RNF217: variants seen among roughly 807,000 people sequenced by gnomAD.
RNF217 encodes the protein E3 ubiquitin-protein ligase RNF217.
A neutral mutation model predicts 57.8 loss-of-function variants in RNF217; 31 were observed. The ratio of observed to expected loss-of-function variants is 0.54; its 90% CI spans 0.40 to 0.72. RNF217 has a LOEUF of 0.72. RNF217 is among the 30% of genes least tolerant of loss of function. The pLI is 0.00. For missense variants in RNF217, 696 were observed against 708.3 expected, an observed-to-expected ratio of 0.98 and a Z score of 0.20; for synonymous variants, 313 against 294.0, an observed-to-expected ratio of 1.06 and a Z score of -0.66.
In RNF217 at chr6:124,963,066, C is replaced by G. The variant is rs752110814; in HGVS notation, c.522C>G (p.Pro174=). The change falls in exon 1 of 6, where the codon CCC becomes CCG. Residue 174 remains proline, a synonymous_variant. Coordinates refer to ENST00000521654, the MANE Select transcript of RNF217 (RefSeq NM_001286398.3). ...TGTACTGCGTGGAGAGCGACCTGCC[C>G]GAGGCCCCCGCCTCGGAGCAGCTCT... ...CSVYCVESDL[P]EAPASEQLSP... is the part of the protein sequence containing the mutation. 8.3e-6 allele frequency: 13 copies of G among 1,561,904 alleles called. No individual in the cohort carries two copies. The East Asian group carries it at 2.6e-4, about 31-fold the overall frequency.
At chr6:125,052,396 C>T (rs1462915749) in intron 2 of RNF217, among the ~76,000 whole-genome samples, 1 of 151,326 alleles carries the variant, frequency 6.6e-6, no homozygotes, top group Non-Finnish European at 1.5e-5. Context: ...GTTTCTCTTT[C>T]CCTTTCCAGC....
chr6:124,972,673 G>A (rs1783806438), intron 1 of RNF217, among the ~76,000 whole-genome samples: 1 of 152,002 alleles, frequency 6.6e-6, no homozygotes, highest in Non-Finnish European at 1.5e-5. Flanking sequence ...ATGAAGTTCT[G>A]TCTTAGGGGA....
chr6:125,086,357 G>A lies in RNF217; in HGVS notation c.*3420G>A, dbSNP rs1582791217. 6.6e-6 allele frequency: 1 copy of A among 151,944 alleles called. No homozygotes were observed. Among genetic ancestry groups the A allele is most frequent in the African/African-American group, 2.4e-5 (1 of 41,388 alleles). 9.4% of individuals were successfully genotyped at this position (151,944 alleles called of 1,614,324 possible). On this transcript the variant is annotated 3_prime_UTR_variant, in exon 6 of 6. Transcript: ENST00000521654. ...TTTGAGGAGATGTGTGTCAGATAAT[G>A]TGAGAGAGATGAATTGACTTTTGGA...
At chr6:125,052,719 C>A (rs1787373198) in intron 2 of RNF217, among the ~76,000 whole-genome samples, 1 of 152,070 alleles carries the variant, frequency 6.6e-6, no homozygotes, top group Admixed American at 6.6e-5. Flanking sequence ...CTCTCTATAA[C>A]ATGCTGTACC....
intron 1 of RNF217, among the ~76,000 whole-genome samples, chr6:124,970,019 T>G (rs1454606594): frequency 1.3e-5 from 2 of 152,116 alleles, no homozygotes; most frequent in African/African-American, 4.8e-5. Context: ...TTTCCAGGAA[T>G]CGCAAGGAGA....
intron 1 of RNF217, among the ~76,000 whole-genome samples, chr6:124,964,232 C>T (rs1203699522): frequency 6.6e-6 from 1 of 152,208 alleles, no homozygotes; most frequent in Non-Finnish European, 1.5e-5. Flanking sequence ...TTGCACAATC[C>T]TGGATGCCCT....
chr6:124,971,893 C>A (rs1006604695), intron 1 of RNF217, among the ~76,000 whole-genome samples: 1 of 152,172 alleles, frequency 6.6e-6, no homozygotes, highest in Non-Finnish European at 1.5e-5. Flanking sequence ...AACCTCTTCT[C>A]TTCTCACTTT....
intron 3 of RNF217, among the ~76,000 whole-genome samples, chr6:125,071,484 ATGTGTGTGTGTG>A (rs61496685): frequency 0.034 from 4,625 of 136,802 alleles, 287 homozygotes; most frequent in African/African-American, 0.11. Flanking sequence ...CTGCCTACAT[ATGTGTGTGTGTG>A]TGTGTGTGTG....
chr6:124,996,372 C>T (rs1253047744), intron 1 of RNF217, among the ~76,000 whole-genome samples: 1 of 151,696 alleles, frequency 6.6e-6, no homozygotes, highest in Non-Finnish European at 1.5e-5. Context: ...ATCTTTAGCC[C>T]ATTTTTCTGT....
In RNF217 at chr6:124,984,430, C is replaced by T. The variant is rs1393644438; in HGVS notation, c.882+21004C>T. On this transcript the variant is annotated intron_variant, in intron 1 of 5. Coordinates refer to ENST00000521654, the MANE Select transcript of RNF217 (RefSeq NM_001286398.3). ...AGGTGTGGTGGTGCATGCCTGTAGT[C>T]CCAGCTACCAGGGAGACTTGAGGTG... Among the ~76,000 whole-genome samples the T allele has an allele frequency of 4.6e-5, 7 of 151,802 alleles. No homozygotes were observed. The East Asian group carries it at 9.7e-4, about 21-fold the overall frequency.
chr6:125,078,195 A>T (rs1788450877), intron 4 of RNF217, among the ~76,000 whole-genome samples: 1 of 152,204 alleles, frequency 6.6e-6, no homozygotes, highest in African/African-American at 2.4e-5. Flanking sequence ...AGTTAAACAG[A>T]TATTGGAGGG....
chr6:124,975,205 G>C (rs952621524), intron 1 of RNF217, among the ~76,000 whole-genome samples: 1 of 152,168 alleles, frequency 6.6e-6, no homozygotes, highest in Non-Finnish European at 1.5e-5. Flanking sequence ...CATGAGCTCT[G>C]AGTTGTATGT....
At position 125,076,513 on chromosome 6, in the gene RNF217, A is replaced by G. The variant is rs1018144797; in HGVS notation, c.1282-144A>G. On this transcript the variant is annotated intron_variant, in intron 3 of 5. Coordinates refer to ENST00000521654, the MANE Select transcript of RNF217 (RefSeq NM_001286398.3). Reference sequence around the variant, plus strand: ...AAGGATAATCTTGGAGGGTATGATTATAAGCAAATTCACAGCCTCAGGAGT... The same window carrying G: ...AAGGATAATCTTGGAGGGTATGATTGTAAGCAAATTCACAGCCTCAGGAGT... The G allele has an allele frequency of 1.8e-4, 113 of 621,566 alleles. 1 individual carries two copies. The highest frequency in any genetic ancestry group is 4.2e-4 in the Middle Eastern group (1 of 2,370). The allele number at this position is 621,566 out of a possible 1,614,324, so 38.5% of individuals were successfully genotyped here. A position where few individuals can be genotyped will look rare whatever the true frequency, so the allele number is the denominator to read the frequency against.
intron 1 of RNF217, among the ~76,000 whole-genome samples, chr6:124,977,948 G>T (rs1784027922): frequency 6.6e-6 from 1 of 152,046 alleles, no homozygotes; most frequent in Admixed American, 6.6e-5. Flanking sequence ...CTGTTCTCTA[G>T]TATACAGTTG....
At chr6:125,005,553 C>T (rs1428664014) in intron 1 of RNF217, among the ~76,000 whole-genome samples, 1 of 152,202 alleles carries the variant, frequency 6.6e-6, no homozygotes, top group African/African-American at 2.4e-5. Flanking sequence ...CTGGTCATCA[C>T]TGAAGCTTCC....
intron 1 of RNF217, among the ~76,000 whole-genome samples, chr6:124,966,232 C>A (rs1783533525): frequency 6.6e-6 from 1 of 152,138 alleles, no homozygotes; most frequent in Non-Finnish European, 1.5e-5. Context: ...TATTTTTGAT[C>A]TGTGTCAATT....
chr6:124,991,164 A>T (rs1784547030), intron 1 of RNF217, among the ~76,000 whole-genome samples: 1 of 152,204 alleles, frequency 6.6e-6, no homozygotes, highest in Non-Finnish European at 1.5e-5. Context: ...TGTGTGATCC[A>T]TGACTCTGTT....
intron 1 of RNF217, among the ~76,000 whole-genome samples, chr6:125,016,543 TGTTTTTAGAAA>T (rs1271652105): frequency 3.3e-5 from 5 of 152,196 alleles, no homozygotes; most frequent in African/African-American, 9.6e-5. Context: ...TTGGGACTGC[TGTTTTTAGAAA>T]GTTTTTAGAA....
intron 1 of RNF217, among the ~76,000 whole-genome samples, chr6:124,985,220 A>C (rs576575555): frequency 5.3e-5 from 8 of 151,888 alleles, no homozygotes; most frequent in Non-Finnish European, 2.9e-5. Flanking sequence ...TCCCAGAAAA[A>C]CTCCTGCACT....
Sources: gnomAD v4.1 joint callset for allele counts (sites outside exome capture counted in the v4.1 genomes callset) on GRCh38, gnomAD v4.1.1 for gene constraint, MANE v1.5 for transcripts, NCBI Gene and HGNC (gene_info 2026-07-23, HGNC 2026-07-21) for gene names.